The following IL12RB1 variants were observed in gnomAD, a reference collection of about 807,000 sequenced individuals.
IL12RB1 encodes interleukin 12 receptor subunit beta 1, also known as interleukin-12 receptor subunit beta-1.
In IL12RB1, 64 loss-of-function variants were observed where a neutral mutation model predicts 94.4. The ratio of observed to expected loss-of-function variants is 0.68; its 90% confidence interval spans 0.55 to 0.83. The LOEUF is 0.83. Among genes scored for constraint, IL12RB1 ranks in the 40% least tolerant of loss-of-function variants. IL12RB1 has a pLI of 0.00. For missense variants in IL12RB1, 814 were observed against 855.6 expected (o/e 0.95, Z 0.61); for synonymous variants, 362 against 355.5 (o/e 1.02, Z -0.21).
At chr19:18,083,130 G>C (rs1052522603) in intron 2 of IL12RB1, 9 of 548,204 alleles carry the variant, frequency 1.6e-5, no homozygotes, top group Admixed American at 6.2e-5. Flanking sequence ...TCAGGTTGGG[G>C]GGGGGGCTTC....
chr19:18,081,251 A>G (rs561812971), intron 3 of IL12RB1, among the ~76,000 whole-genome samples: 62 of 151,898 alleles, frequency 4.1e-4, no homozygotes, highest in African/African-American at 1.4e-3. Context: ...ACATGCCACC[A>G]CATGCGTCTA....
intron 7 of IL12RB1, among the ~76,000 whole-genome samples, chr19:18,074,781 G>A (rs2035321403): frequency 6.6e-6 from 1 of 151,416 alleles, no homozygotes; most frequent in Non-Finnish European, 1.5e-5. Context: ...GCCGGGCGCG[G>A]TGGCTCACGC....
chr19:18,062,110 A>T, intron 14 of IL12RB1, 71 bp downstream of exon 14: 1 of 1,037,584 alleles, frequency 9.6e-7, no homozygotes, highest in Non-Finnish European at 1.5e-6. Context: ...CTGCGGGCTA[A>T]GCTCCACTTT....
At chr19:18,066,776 C>G in intron 11 of IL12RB1, 79 bp from the exon 12 acceptor site, 1 of 1,200,174 alleles carries the variant, frequency 8.3e-7, no homozygotes, top group Non-Finnish European at 1.2e-6. Context: ...CCTGTAATCC[C>G]AGCACTTTGG....
chr19:18,077,471 C>T (rs1231479490), intron 5 of IL12RB1, 45 bp downstream of exon 5: 3 of 1,506,566 alleles, frequency 2.0e-6, no homozygotes, highest in African/African-American at 2.7e-5. Context: ...GTGAAGGTGC[C>T]CTGGAGAGGC....
At position 18,083,192 on chromosome 19, in the gene IL12RB1, C is replaced by T. The variant is rs1297869541; in HGVS notation, c.124+240G>A. ...ATGTACCGACCAATCTGAACGGACA[C>T]AGACACCAGCCCTGAGACCATGCTA... On this transcript the variant is annotated intron_variant, in intron 2 of 16. Coordinates refer to ENST00000593993, the MANE Select transcript of IL12RB1 (RefSeq NM_005535.3). 15 of 613,850 alleles carry T rather than the reference C, an allele frequency of 2.4e-5. 1 individual carries two copies. In the South Asian group the frequency reaches 2.8e-4, roughly 12 times the overall value. 38.0% of individuals were successfully genotyped at this position (613,850 alleles called of 1,614,324 possible). A position where few individuals can be genotyped will look rare whatever the true frequency, so the allele number is the denominator to read the frequency against.
At chr19:18,075,945 T>G in intron 6 of IL12RB1, 77 bp from the exon 7 acceptor site, 5 of 1,391,546 alleles carry the variant, frequency 3.6e-6, no homozygotes, top group Non-Finnish European at 5.1e-6. Flanking sequence ...CATCATGTGC[T>G]TATTGAGCTC....
intron 8 of IL12RB1, 65 bp from the exon 9 acceptor site, chr19:18,072,414 G>T (rs1411397218): frequency 2.0e-6 from 2 of 995,272 alleles, no homozygotes; most frequent in Non-Finnish European, 3.2e-6. Context: ...TAGGCAGACA[G>T]CAGGGCACAG....
rs765849052 is a variant in IL12RB1 at position 18,069,752 on chromosome 19, A to G, written c.1022-39T>C. On this transcript the variant is annotated intron_variant, in intron 9 of 16. Transcript: ENST00000593993. ...GGAGAGACGCATCGAGACAGTTGCC[A>G]TCTCTCTCCCCAGTCCCCTTCTCTG... 4.1e-6 allele frequency: 6 copies of G among 1,474,816 alleles called. No homozygotes were observed. In the East Asian group the frequency reaches 1.1e-4, roughly 28 times the overall value. 91.4% of individuals were successfully genotyped at this position (1,474,816 alleles called of 1,614,324 possible).
upstream of IL12RB1, among the ~76,000 whole-genome samples, chr19:18,088,860 T>C (rs2036504049): frequency 6.6e-6 from 1 of 151,976 alleles, no homozygotes; most frequent in Admixed American, 6.6e-5. Context: ...CGAAACCCTG[T>C]CTCTACTAAA....
Position 18,072,107 on chromosome 19 carries a change from G to A in IL12RB1, c.1021+5C>T, listed in dbSNP as rs1426002482. The A allele has an allele frequency of 1.3e-6, 2 of 1,590,064 alleles. No homozygotes were observed. The highest frequency in any genetic ancestry group is 2.2e-5 in the East Asian group (1 of 44,788). On this transcript the variant is annotated splice_donor_5th_base_variant and intron_variant, in intron 9 of 16. Coordinates refer to ENST00000593993, the MANE Select transcript of IL12RB1 (RefSeq NM_005535.3). ...CATACCGCCCTCCCCACCCAGAGGA[G>A]GCACCTGTGTGGGTGTCGGCAGGAA...
Position 18,072,044 on chromosome 19 carries a change from C to A in IL12RB1, c.1021+68G>T. ...CCTCGCTCCTCTCACCCTGGTCTAGCTGAGGCTCAGAGTAGGTGCTCAGCT... is the reference window on the plus strand; with the variant it reads ...CCTCGCTCCTCTCACCCTGGTCTAGATGAGGCTCAGAGTAGGTGCTCAGCT... On this transcript the variant is annotated intron_variant, in intron 9 of 16. Coordinates refer to ENST00000593993, the MANE Select transcript of IL12RB1 (RefSeq NM_005535.3). The A allele has an allele frequency of 1.2e-5, 13 of 1,083,514 alleles. No individual in the cohort carries two copies. In the South Asian group the frequency reaches 1.6e-4, roughly 14 times the overall value. 67.1% of individuals were successfully genotyped at this position (1,083,514 alleles called of 1,614,324 possible).
At chr19:18,090,874 C>A, upstream of IL12RB1, 1 of 152,866 alleles carries the variant, frequency 6.5e-6, no homozygotes, top group Non-Finnish European at 1.5e-5. Flanking sequence ...GCCGGGTGCC[C>A]TGAAGTGGAG....
Position 18,073,535 on chromosome 19 carries a change from C to A in IL12RB1, c.765G>T (p.Arg255=). The part of the protein sequence containing the change: ...VEQLGQDGRR[R]LTLKEQPTQL... ...CCGTTACCTGCTCTTTCAGGGTCAG[C>A]CGCCTCCTCCCATCCTGGCCCAGCT... is the stretch of plus-strand genomic sequence containing the variant. The change falls in exon 8 of 17, where the codon CGG becomes CGT. Residue 255 remains arginine (R), a synonymous_variant. Transcript: ENST00000593993. 1 of 1,609,732 alleles carries A rather than the reference C, an allele frequency of 6.2e-7. No homozygotes were observed. The highest frequency in any genetic ancestry group is 8.5e-7 in the Non-Finnish European group (1 of 1,176,116).
rs561316315 is a variant in IL12RB1, at chr19:18,080,381, GGC to G, written c.409+449_409+450del. Among the ~76,000 whole-genome samples the G allele has an allele frequency of 2.4e-4, 37 of 152,234 alleles. No individual in the cohort carries two copies. In the South Asian group the frequency reaches 7.7e-3, roughly 32 times the overall value. ...AGTCTCCCCAGTAGCTGGGACTACA[GGC>G]GCGCGTGGCCACTCCTGGCTAATTT... On this transcript the variant is annotated intron_variant, in intron 4 of 16. Transcript: ENST00000593993.
chr19:18,082,097 A>C, intron 3 of IL12RB1, 53 bp downstream of exon 3: 1 of 1,141,776 alleles, frequency 8.8e-7, no homozygotes, highest in Non-Finnish European at 1.3e-6. Context: ...GAGGGGGTTG[A>C]AGCAAGAGTG....
intron 11 of IL12RB1, among the ~76,000 whole-genome samples, chr19:18,067,459 C>T (rs1448505175): frequency 6.6e-6 from 1 of 151,994 alleles, no homozygotes; most frequent in African/African-American, 2.4e-5. Context: ...GGTTCTGCCA[C>T]TCAGTCACTG....
Position 18,080,833 on chromosome 19 carries a change from T to G in IL12RB1, c.408A>C (p.Ser136=), listed in dbSNP as rs1312439583. The G allele has an allele frequency of 2.5e-6, 4 of 1,602,824 alleles. No homozygotes were observed. The highest frequency in any genetic ancestry group is 3.3e-5 in the Admixed American group (2 of 59,972). The change falls in exon 4 of 17, where the codon TCA becomes TCC. Residue 136 remains serine (S), a splice_region_variant and synonymous_variant. Coordinates refer to ENST00000593993, the MANE Select transcript of IL12RB1 (RefSeq NM_005535.3). Reference sequence around the variant, plus strand: ...ACGGGGGGAGAACAAGGTGCTAACCTGAGTTGTAGAGCTGCAGGGTCACCT... The same window carrying G: ...ACGGGGGGAGAACAAGGTGCTAACCGGAGTTGTAGAGCTGCAGGGTCACCT... ...SPEVTLQLYN[S]VKYEPPLGDI... is the part of the protein sequence containing the mutation.
chr19:18,079,766 G>C (rs889582932), intron 4 of IL12RB1, among the ~76,000 whole-genome samples: 1 of 151,912 alleles, frequency 6.6e-6, no homozygotes, highest in African/African-American at 2.4e-5. Flanking sequence ...GCGCGGTGGC[G>C]GGCGCCTGTA....
Sources: allele counts gnomAD v4.1 joint callset (sites outside exome capture counted in the v4.1 genomes callset), GRCh38; gene constraint gnomAD v4.1.1; transcripts MANE v1.5; gene names NCBI Gene and HGNC (gene_info 2026-07-23, HGNC 2026-07-21).